RANBP3L: variants seen among roughly 807,000 people sequenced by gnomAD.
The protein encoded by RANBP3L is RAN binding protein 3 like.
Under a neutral mutation model 67.2 loss-of-function variants are expected in RANBP3L, and 56 were observed. The ratio of observed to expected loss-of-function variants is 0.83; its 90% confidence interval spans 0.67 to 1.04. RANBP3L has a LOEUF of 1.04. Ranked by LOEUF, RANBP3L falls within the 50% of genes least tolerant of loss-of-function variation. RANBP3L has a pLI of 0.00. For missense variants in RANBP3L, 496 were observed against 535.5 expected (o/e 0.93, Z 0.73); for synonymous variants, 164 against 181.4 (o/e 0.90, Z 0.77).
chr5:36,276,444 C>T (rs1371680184), intron 1 of RANBP3L, among the ~76,000 whole-genome samples: 1 of 152,008 alleles, frequency 6.6e-6, no homozygotes, highest in Non-Finnish European at 1.5e-5. Context: ...TTCTTAATCT[C>T]TTGATGTGCT....
At chr5:36,259,648 G>A (rs1181515019) in intron 8 of RANBP3L, among the ~76,000 whole-genome samples, 1 of 151,418 alleles carries the variant, frequency 6.6e-6, no homozygotes. Context: ...ATCTAAATCC[G>A]TACATGGGTT....
chr5:36,279,393 T>TA (rs1339561576), intron 1 of RANBP3L, among the ~76,000 whole-genome samples: 1 of 152,122 alleles, frequency 6.6e-6, no homozygotes, highest in Non-Finnish European at 1.5e-5. Flanking sequence ...ACTAAAAGAT[T>TA]AAAAAGTATG....
intron 1 of RANBP3L, among the ~76,000 whole-genome samples, chr5:36,280,822 AT>A (rs1160194576): frequency 6.6e-6 from 1 of 152,068 alleles, no homozygotes; most frequent in East Asian, 1.9e-4. Context: ...TTGAATTATT[AT>A]TTTTTCTTTC....
chr5:36,276,291 AG>A (rs1338372539), intron 1 of RANBP3L, among the ~76,000 whole-genome samples: 1 of 152,230 alleles, frequency 6.6e-6, no homozygotes. Flanking sequence ...GTCTGTAGAC[AG>A]GAATTCACTA....
chr5:36,257,499 G>T lies in RANBP3L; in HGVS notation c.727C>A (p.Pro243Thr), dbSNP rs979555296. 4.4e-6 allele frequency: 7 copies of T among 1,599,582 alleles called. No individual in the cohort carries two copies. The highest frequency in any genetic ancestry group is 1.7e-4 in the Middle Eastern group (1 of 5,924). ...GGAAATTTCGGAATGGATTTGAATG[G>T]TTTTTCCTTGGCATATGAATCATTT... ...LENDSYAKEKPFKSIPKFPVN... is the reference protein window; with the variant it reads ...LENDSYAKEKTFKSIPKFPVN... The change falls in exon 9 of 14, where the codon CCA (proline) becomes ACA (threonine). Residue 243 changes from proline (P) to threonine (T), a missense_variant. Physicochemically the swap from Pro to Thr is conservative, Grantham distance 38. Coordinates refer to ENST00000296604, the MANE Select transcript of RANBP3L (RefSeq NM_145000.5).
At chr5:36,295,269 C>T (rs769100713) in intron 1 of RANBP3L, among the ~76,000 whole-genome samples, 13 of 152,122 alleles carry the variant, frequency 8.5e-5, no homozygotes, top group Admixed American at 2.0e-4. Context: ...CCCCACATGT[C>T]ATGGGAGGGA....
chr5:36,251,536 A>C, intron 12 of RANBP3L, 37 bp from the exon 13 acceptor site: 1 of 1,491,804 alleles, frequency 6.7e-7, no homozygotes, highest in East Asian at 2.3e-5. Context: ...GAAAATCATT[A>C]ATATGTTAGC....
intron 13 of RANBP3L, among the ~76,000 whole-genome samples, chr5:36,250,103 C>T (rs1418604884): frequency 1.3e-5 from 2 of 151,826 alleles, no homozygotes; most frequent in African/African-American, 4.8e-5. Context: ...TGGAATATAA[C>T]AGAATATAGA....
At chr5:36,290,467 T>C (rs1751651002) in intron 1 of RANBP3L, among the ~76,000 whole-genome samples, 1 of 152,022 alleles carries the variant, frequency 6.6e-6, no homozygotes, top group Admixed American at 6.6e-5. Flanking sequence ...TCTGCCCACC[T>C]CGGTCTCCCA....
intron 1 of RANBP3L, among the ~76,000 whole-genome samples, chr5:36,282,659 C>T (rs1751049025): frequency 6.6e-6 from 1 of 152,140 alleles, no homozygotes; most frequent in South Asian, 2.1e-4. Context: ...TCTCCATTTC[C>T]ACAGGAATAA....
intron 1 of RANBP3L, among the ~76,000 whole-genome samples, chr5:36,285,540 A>G (rs1379333463): frequency 6.6e-6 from 1 of 152,226 alleles, no homozygotes; most frequent in East Asian, 1.9e-4. Context: ...TTTCTAACAT[A>G]TGCCTTATTG....
intron 1 of RANBP3L, among the ~76,000 whole-genome samples, chr5:36,286,495 G>A (rs1751333717): frequency 6.6e-6 from 1 of 152,090 alleles, no homozygotes; most frequent in Admixed American, 6.6e-5. Context: ...CTTAAAGTGT[G>A]ATCTCTGCAA....
intron 11 of RANBP3L, among the ~76,000 whole-genome samples, chr5:36,254,346 G>C (rs1435034520): frequency 6.6e-6 from 1 of 151,974 alleles, no homozygotes; most frequent in Admixed American, 6.6e-5. Context: ...AATATATTCT[G>C]TTAATAGATG....
intron 3 of RANBP3L, 72 bp downstream of exon 3, chr5:36,269,879 G>T: frequency 8.1e-7 from 1 of 1,239,400 alleles, no homozygotes; most frequent in Non-Finnish European, 1.2e-6. Flanking sequence ...TGTGCCACAT[G>T]CCAAAATACT....
intron 8 of RANBP3L, among the ~76,000 whole-genome samples, chr5:36,260,352 C>T (rs1317848985): frequency 8.1e-5 from 10 of 122,850 alleles, no homozygotes; most frequent in Admixed American, 1.8e-4. Context: ...CAGAGCGAGA[C>T]TCTGTCTCAA....
rs1286422523 is a variant in RANBP3L, at chr5:36,257,521, A to C, written c.705T>G (p.Asn235Lys). The C allele has an allele frequency of 6.3e-7, 1 of 1,591,402 alleles. No individual in the cohort carries two copies. Among genetic ancestry groups the C allele is most frequent in the Non-Finnish European group, 8.6e-7 (1 of 1,165,898 alleles). The change falls in exon 9 of 14, where the codon AAT becomes AAG. Residue 235 changes from asparagine (N) to lysine (K), a missense_variant. Asn to Lys is a moderately conservative substitution (Grantham distance 94, BLOSUM62 0). Coordinates refer to ENST00000296604, the MANE Select transcript of RANBP3L (RefSeq NM_145000.5). ...TQKLTQPQLE[N>K]DSYAKEKPFK... ...ATGGTTTTTCCTTGGCATATGAATC[A>C]TTTTCAAGTTGAGGCTGGGTGAGTT...
At chr5:36,277,858 G>A (rs765917488) in intron 1 of RANBP3L, among the ~76,000 whole-genome samples, 2 of 152,146 alleles carry the variant, frequency 1.3e-5, no homozygotes, top group Non-Finnish European at 2.9e-5. Flanking sequence ...GTTCCACGTG[G>A]CTGAGGAGGC....
chr5:36,251,405 G>C lies in RANBP3L; in HGVS notation c.1262C>G (p.Ala421Gly). ...SFNKQRDVNQ[A>G]ESLSETAQQL... ...TTGGGCTGTTTCTGACAGGCTTTCA[G>C]CTTGATTGACATCTCTCTGCTTATT... Residue 421 changes from alanine (A) to glycine (G), a missense_variant, in exon 13 of 14, where the codon GCT (alanine) becomes GGT (glycine). Coordinates refer to ENST00000296604, the MANE Select transcript of RANBP3L (RefSeq NM_145000.5). The C allele has an allele frequency of 2.5e-6, 4 of 1,613,284 alleles. 1 individual carries two copies. In the South Asian group the frequency reaches 4.4e-5, roughly 18 times the overall value.
intron 1 of RANBP3L, among the ~76,000 whole-genome samples, chr5:36,272,344 C>G (rs1426909458): frequency 6.6e-6 from 1 of 152,172 alleles, no homozygotes; most frequent in Non-Finnish European, 1.5e-5. Context: ...GACCTCAGAA[C>G]TTTTCTCAGT....
Sources: allele counts gnomAD v4.1 joint callset (sites outside exome capture counted in the v4.1 genomes callset), GRCh38; gene constraint gnomAD v4.1.1; transcripts MANE v1.5; gene names NCBI Gene and HGNC (gene_info 2026-07-23, HGNC 2026-07-21).